FZD6: variants seen among roughly 807,000 people sequenced by gnomAD.
FZD6 encodes frizzled class receptor 6, also known as frizzled-6.
FZD6 carries 49 observed loss-of-function variants against 61.4 expected under a neutral mutation model. The ratio of observed to expected loss-of-function variants is 0.80; its 90% confidence interval spans 0.63 to 1.01. FZD6 has a LOEUF of 1.01. Ranked by LOEUF, FZD6 falls within the 50% of genes least tolerant of loss-of-function variation. The pLI, the probability that FZD6 is intolerant of heterozygous loss-of-function variation, is 0.00. For missense variants in FZD6, 724 were observed against 848.2 expected (o/e 0.85, Z 1.82); for synonymous variants, 265 against 292.2 (o/e 0.91, Z 0.95).
intron 2 of FZD6, 97 bp from the exon 3 acceptor site, chr8:103,318,493 T>C (rs1814692632): frequency 1.3e-6 from 1 of 753,992 alleles, no homozygotes; most frequent in South Asian, 1.5e-5. Context: ...TCTTTTGCAG[T>C]ATAAGTGAAA....
At chr8:103,315,109 TTTCA>T (rs944189477) in intron 2 of FZD6, among the ~76,000 whole-genome samples, 2 of 152,222 alleles carry the variant, frequency 1.3e-5, no homozygotes, top group African/African-American at 4.8e-5. Flanking sequence ...AAACCTTTTC[TTTCA>T]TTTCAATGGC....
At chr8:103,329,136 G>T (rs1304755807) in intron 5 of FZD6, among the ~76,000 whole-genome samples, 1 of 149,658 alleles carries the variant, frequency 6.7e-6, no homozygotes, top group African/African-American at 2.4e-5. Context: ...ATAAGTTTCT[G>T]AAGTCTGAAG....
In FZD6 at chr8:103,313,994, C is replaced by T. The variant is rs1814566427; in HGVS notation, c.178-4596C>T. Among the ~76,000 whole-genome samples, 4 of 152,056 alleles carry T rather than the reference C, an allele frequency of 2.6e-5. No individual in the cohort carries two copies. The South Asian group carries it at 8.3e-4, about 32-fold the overall frequency. On this transcript the variant is annotated intron_variant, in intron 2 of 6. Transcript: ENST00000358755. ...CAGCAGCTTCCCAAATACTCCCTAT[C>T]ATCTTACAGGCATTTTCATTTACCT...
rs751902079 is a variant in FZD6, at chr8:103,331,857, A to T, written c.*348A>T. 1.8e-5 allele frequency: 4 copies of T among 219,376 alleles called. No individual in the cohort carries two copies. The highest frequency in any genetic ancestry group is 3.7e-5 in the Non-Finnish European group (4 of 108,990). 13.6% of individuals were successfully genotyped at this position (219,376 alleles called of 1,614,324 possible). Reference sequence around the variant, plus strand: ...TTTACTTTTTTGATATAAAATCAAGATATTTCTTTGCTGAAGTATTTAAAT... The same window carrying T: ...TTTACTTTTTTGATATAAAATCAAGTTATTTCTTTGCTGAAGTATTTAAAT... On this transcript the variant is annotated 3_prime_UTR_variant, in exon 7 of 7. Coordinates refer to ENST00000358755, the MANE Select transcript of FZD6 (RefSeq NM_003506.4).
chr8:103,307,729 T>C (rs1263738092), intron 2 of FZD6: 2 of 455,786 alleles, frequency 4.4e-6, no homozygotes, highest in Non-Finnish European at 4.4e-6. Flanking sequence ...GTTTTTTTTT[T>C]TTCATGTCCT....
intron 2 of FZD6, among the ~76,000 whole-genome samples, chr8:103,310,278 A>AT (rs1183474943): frequency 2.7e-5 from 4 of 149,054 alleles, no homozygotes; most frequent in Admixed American, 1.3e-4. Flanking sequence ...TGTGTGTTTC[A>AT]TTTTTTTTAA....
chr8:103,317,374 CA>C (rs1216972645), intron 2 of FZD6, among the ~76,000 whole-genome samples: 1 of 152,134 alleles, frequency 6.6e-6, no homozygotes, highest in East Asian at 1.9e-4. Flanking sequence ...AGTCTTTGAA[CA>C]AGGATAAACT....
chr8:103,323,796 A>G (rs545884189), intron 3 of FZD6, among the ~76,000 whole-genome samples: 44 of 152,264 alleles, frequency 2.9e-4, no homozygotes, highest in Non-Finnish European at 5.3e-4. Flanking sequence ...TACAAACTCA[A>G]CTTAGTGATA....
intron 2 of FZD6, among the ~76,000 whole-genome samples, chr8:103,314,543 C>T (rs183713442): frequency 8.5e-5 from 13 of 152,284 alleles, no homozygotes; most frequent in African/African-American, 2.9e-4. Flanking sequence ...GACAAAGGAT[C>T]CAATCTCAGA....
At chr8:103,312,782 T>C (rs1472512269) in intron 2 of FZD6, among the ~76,000 whole-genome samples, 2 of 152,240 alleles carry the variant, frequency 1.3e-5, no homozygotes, top group Non-Finnish European at 2.9e-5. Context: ...CTGAAAGTAC[T>C]CCATATGATG....
rs1158430924 is a variant in FZD6, at chr8:103,331,591, T to TA, written c.*83dup. 28 of 969,868 alleles carry TA rather than the reference T, an allele frequency of 2.9e-5. No homozygotes were observed. The African/African-American group carries it at 3.2e-4, about 11-fold the overall frequency. The allele number at this position is 969,868 out of a possible 1,614,324, so 60.1% of individuals were successfully genotyped here. A position where few individuals can be genotyped will look rare whatever the true frequency, so the allele number is the denominator to read the frequency against. ...TGCACTGTTTTGTAAGAATCACTGT[T>TA]ACATTCTTCTTTTGCACTTAAAGTT... On this transcript the variant is annotated 3_prime_UTR_variant, in exon 7 of 7. Coordinates refer to ENST00000358755, the MANE Select transcript of FZD6 (RefSeq NM_003506.4).
chr8:103,323,494 G>A (rs896784222), intron 3 of FZD6, among the ~76,000 whole-genome samples: 3 of 151,080 alleles, frequency 2.0e-5, no homozygotes, highest in South Asian at 2.1e-4. Context: ...GCAGTGGCTC[G>A]GTCTTGTCTC....
chr8:103,320,604 AG>A (rs1349760495), intron 3 of FZD6, among the ~76,000 whole-genome samples: 1 of 151,440 alleles, frequency 6.6e-6, no homozygotes, highest in Non-Finnish European at 1.5e-5. Context: ...TTTTTTTTAA[AG>A]GCATAATGAG....
intron 5 of FZD6, 107 bp from the exon 6 acceptor site, chr8:103,329,548 T>C (rs932697553): frequency 1.2e-5 from 9 of 731,962 alleles, no homozygotes; most frequent in Non-Finnish European, 1.8e-5. Flanking sequence ...ATTTTCAACT[T>C]TAGTGACTAA....
chr8:103,299,703 T>C (rs1008119983), intron 1 of FZD6, among the ~76,000 whole-genome samples: 1 of 152,198 alleles, frequency 6.6e-6, no homozygotes, highest in Non-Finnish European at 1.5e-5. Context: ...CATCTTACTC[T>C]TGCCATTCCC....
At chr8:103,306,494 C>CTTTTT (rs71292793) in intron 2 of FZD6, among the ~76,000 whole-genome samples, 3 of 65,200 alleles carry the variant, frequency 4.6e-5, no homozygotes, top group East Asian at 6.0e-4. Context: ...AGGTTCATCA[C>CTTTTT]TTTTTTTTTT....
intron 5 of FZD6, among the ~76,000 whole-genome samples, chr8:103,328,901 C>T (rs185281856): frequency 1.3e-5 from 2 of 150,638 alleles, no homozygotes; most frequent in Non-Finnish European, 3.0e-5. Flanking sequence ...TTATTACACA[C>T]AGCTATGACC....
intron 4 of FZD6, among the ~76,000 whole-genome samples, chr8:103,326,034 A>G (rs146034590): frequency 6.6e-6 from 1 of 152,330 alleles, no homozygotes; most frequent in East Asian, 1.9e-4. Flanking sequence ...TATGATTAGT[A>G]TAAGGGTGGT....
In FZD6 at chr8:103,318,796, G is replaced by A. The variant is rs1380821234; in HGVS notation, c.374+10G>A. Reference sequence around the variant, plus strand: ...AGCTTGAATGTGACAGGTAAACAATGTTTTTCATGGAAAGCTACTAATGGT... The same window carrying A: ...AGCTTGAATGTGACAGGTAAACAATATTTTTCATGGAAAGCTACTAATGGT... On this transcript the variant is annotated intron_variant, in intron 3 of 6. Coordinates refer to ENST00000358755, the MANE Select transcript of FZD6 (RefSeq NM_003506.4). 1.3e-6 allele frequency: 2 copies of A among 1,504,696 alleles called. No individual in the cohort carries two copies. Among genetic ancestry groups the A allele is most frequent in the African/African-American group, 2.7e-5 (2 of 72,880 alleles). 93.2% of individuals were successfully genotyped at this position (1,504,696 alleles called of 1,614,324 possible). A position where few individuals can be genotyped will look rare whatever the true frequency, so the allele number is the denominator to read the frequency against.
Sources: allele counts gnomAD v4.1 joint callset (sites outside exome capture counted in the v4.1 genomes callset), GRCh38; gene constraint gnomAD v4.1.1; transcripts MANE v1.5; gene names NCBI Gene and HGNC (gene_info 2026-07-23, HGNC 2026-07-21).